The following CNTNAP2 variants were observed in gnomAD, a reference collection of about 807,000 sequenced individuals.
The protein encoded by CNTNAP2 is contactin-associated protein-like 2.
A neutral mutation model predicts 155.2 loss-of-function variants in CNTNAP2; 98 were observed. That is an observed-to-expected ratio of 0.63 (90% CI 0.54 to 0.75). CNTNAP2 has a LOEUF of 0.75. CNTNAP2 is among the 30% of genes least tolerant of loss of function. The pLI, the probability that CNTNAP2 is intolerant of heterozygous loss-of-function variation, is 0.00. For synonymous variants in CNTNAP2, 651 were observed against 631.2 expected (o/e 1.03, Z -0.47); for missense variants, 1,727 against 1,688.1 (o/e 1.02, Z -0.40).
chr7:147,242,382 CTGTAATA>C (rs1303754010), intron 8 of CNTNAP2, among the ~76,000 whole-genome samples: 3 of 152,160 alleles, frequency 2.0e-5, no homozygotes, highest in Non-Finnish European at 4.4e-5. Context: ...ACCCAGAACT[CTGTAATA>C]AATAGTAGTA....
In CNTNAP2 at chr7:147,469,529, TTTTC is replaced by T. The variant is rs1267108649; in HGVS notation, c.1671-16404_1671-16401del. Among the ~76,000 whole-genome samples, 18 of 72,688 alleles carry T rather than the reference TTTTC, an allele frequency of 2.5e-4. 1 individual carries two copies. Among genetic ancestry groups the T allele is most frequent in the African/African-American group, 6.6e-4 (10 of 15,042 alleles). 47.7% of individuals were successfully genotyped at this position (72,688 alleles called of 152,430 possible). A position where few individuals can be genotyped will look rare whatever the true frequency, so the allele number is the denominator to read the frequency against. On this transcript the variant is annotated intron_variant, in intron 10 of 23. Coordinates refer to ENST00000361727, the MANE Select transcript of CNTNAP2 (RefSeq NM_014141.6). ...CAATTTTTTTTTTTTTTTTTTTTTT[TTTTC>T]TGTGAGACAAAGTCTCGCTCTGCCG...
At position 147,467,904 on chromosome 7, in the gene CNTNAP2, G is replaced by C. The variant is rs550678065; in HGVS notation, c.1671-18031G>C. Among the ~76,000 whole-genome samples, 20 of 152,170 alleles carry C rather than the reference G, an allele frequency of 1.3e-4. No homozygotes were observed. The South Asian group carries it at 2.9e-3, about 22-fold the overall frequency. ...AAATCAGCCAGGCATGGTGATGCAT[G>C]CCTGTAGTCCTAGCTTCTCAGGAGG... On this transcript the variant is annotated intron_variant, in intron 10 of 23. Transcript: ENST00000361727.
chr7:147,372,454 A>C (rs540102822), intron 9 of CNTNAP2, among the ~76,000 whole-genome samples: 1 of 151,978 alleles, frequency 6.6e-6, no homozygotes, highest in African/African-American at 2.4e-5. Context: ...TGCTTTCCTA[A>C]GTTTAAGTTG....
chr7:146,238,251 C>T (rs1799505881), intron 1 of CNTNAP2, among the ~76,000 whole-genome samples: 1 of 152,148 alleles, frequency 6.6e-6, no homozygotes, highest in Non-Finnish European at 1.5e-5. Context: ...AAATAGGAAT[C>T]AGGAACGAAT....
At chr7:146,841,529 A>T (rs549422564) in intron 3 of CNTNAP2, among the ~76,000 whole-genome samples, 132 of 152,216 alleles carry the variant, frequency 8.7e-4, no homozygotes, top group African/African-American at 3.0e-3. Context: ...CTAAGATCAA[A>T]TGAGCATGTT....
chr7:147,735,926 G>C, intron 13 of CNTNAP2, among the ~76,000 whole-genome samples: 1 of 150,818 alleles, frequency 6.6e-6, no homozygotes, highest in Non-Finnish European at 1.5e-5. Context: ...CTCTGCACAT[G>C]AGATGGGTTT....
intron 10 of CNTNAP2, among the ~76,000 whole-genome samples, chr7:147,445,215 C>A (rs2116557192): frequency 6.6e-6 from 1 of 152,284 alleles, no homozygotes; most frequent in Middle Eastern, 3.4e-3. Context: ...GGACAGGTGC[C>A]CTCCTGCTTT....
chr7:146,744,939 T>C lies in CNTNAP2; in HGVS notation c.98-29332T>C, dbSNP rs80203216. On this transcript the variant is annotated intron_variant, in intron 1 of 23. Coordinates refer to ENST00000361727, the MANE Select transcript of CNTNAP2 (RefSeq NM_014141.6). Reference sequence around the variant, plus strand: ...AGTAGAATATTTGCATTATGTAAGCTAAAAAGATTGGCTTTTTAAAACAAT... The same window carrying C: ...AGTAGAATATTTGCATTATGTAAGCCAAAAAGATTGGCTTTTTAAAACAAT... Among the ~76,000 whole-genome samples the C allele has an allele frequency of 6.6e-3, 1,011 of 152,328 alleles. 5 individuals are homozygous for C. Among genetic ancestry groups the C allele is most frequent in the Middle Eastern group, 0.024 (7 of 294 alleles).
chr7:146,832,445 A>T (rs1803531061), intron 2 of CNTNAP2, among the ~76,000 whole-genome samples: 1 of 150,016 alleles, frequency 6.7e-6, no homozygotes, highest in South Asian at 2.1e-4. Context: ...AGGTTTACTG[A>T]TGTATAATTG....
chr7:147,024,782 A>G, intron 3 of CNTNAP2, among the ~76,000 whole-genome samples: 1 of 152,140 alleles, frequency 6.6e-6, no homozygotes, highest in Non-Finnish European at 1.5e-5. Context: ...CAGTGGATGA[A>G]GAGGAATCAT....
At chr7:147,046,941 A>G (rs537873127) in intron 4 of CNTNAP2, among the ~76,000 whole-genome samples, 1 of 148,084 alleles carries the variant, frequency 6.8e-6, no homozygotes, top group East Asian at 2.2e-4. Context: ...CTGAAGCAGG[A>G]GAATGGCGTG....
chr7:148,299,965 TA>T (rs903881199), intron 21 of CNTNAP2, among the ~76,000 whole-genome samples: 4 of 152,148 alleles, frequency 2.6e-5, no homozygotes, highest in African/African-American at 9.6e-5. Flanking sequence ...TGTAAGGAGG[TA>T]AAAAACTGTC....
chr7:147,828,431 C>T (rs141723480), intron 13 of CNTNAP2, among the ~76,000 whole-genome samples: 81 of 152,286 alleles, frequency 5.3e-4, no homozygotes, highest in African/African-American at 1.9e-3. Flanking sequence ...TTCTTCCATT[C>T]TATGACATAG....
intron 1 of CNTNAP2, among the ~76,000 whole-genome samples, chr7:146,325,132 T>G (rs879376450): frequency 7.9e-5 from 12 of 152,090 alleles, no homozygotes; most frequent in Non-Finnish European, 1.8e-4. Flanking sequence ...AGCCTCACTC[T>G]GTTGCCCAGG....
intron 4 of CNTNAP2, among the ~76,000 whole-genome samples, chr7:147,062,125 C>T (rs1328434360): frequency 6.4e-5 from 2 of 31,360 alleles, no homozygotes; most frequent in East Asian, 2.4e-3. Flanking sequence ...GAGACTCCGT[C>T]TCAAAAAAAA....
intron 19 of CNTNAP2, among the ~76,000 whole-genome samples, chr7:148,218,354 AAGTGTATCCCTGTCATAAAGGTTGC>A (rs1193473744): frequency 1.3e-5 from 2 of 152,168 alleles, no homozygotes; most frequent in East Asian, 3.9e-4. Flanking sequence ...TAAATTCACA[AAGTGTATCCCTGTCATAAAGGTTGC>A]TTAAAGCAGG....
intron 13 of CNTNAP2, among the ~76,000 whole-genome samples, chr7:147,729,428 G>GCACACACACACACA (rs3053507): frequency 6.7e-6 from 1 of 149,212 alleles, no homozygotes; most frequent in South Asian, 2.1e-4. Context: ...ACACACACAC[G>GCACACACACACACA]CACACACACA....
intron 13 of CNTNAP2, among the ~76,000 whole-genome samples, chr7:147,694,532 G>A (rs1413656272): frequency 6.6e-6 from 1 of 152,092 alleles, no homozygotes; most frequent in East Asian, 1.9e-4. Context: ...ATAGATACAG[G>A]CCTATTCAGA....
At chr7:147,895,422 A>G (rs1799761559) in intron 13 of CNTNAP2, among the ~76,000 whole-genome samples, 1 of 152,186 alleles carries the variant, frequency 6.6e-6, no homozygotes, top group Non-Finnish European at 1.5e-5. Flanking sequence ...TATAGTGATT[A>G]TATTTAATTC....
Sources: allele counts gnomAD v4.1 joint callset (sites outside exome capture counted in the v4.1 genomes callset), GRCh38; gene constraint gnomAD v4.1.1; transcripts MANE v1.5; gene names NCBI Gene and HGNC (gene_info 2026-07-23, HGNC 2026-07-21).